Variants in GREB1L observed in about 807,000 individuals in gnomAD.
GREB1L encodes GREB1-like protein.
A neutral mutation model predicts 200.8 loss-of-function variants in GREB1L; 17 were observed. The observed-to-expected ratio is 0.08, with a 90% CI of 0.06 to 0.13. The LOEUF is 0.13. Among genes scored for constraint, GREB1L ranks in the 10% least tolerant of loss-of-function variants. GREB1L has a pLI of 1.00. For missense variants in GREB1L, 1,657 were observed against 2,367.7 expected (o/e 0.70, Z 6.23); for synonymous variants, 789 against 893.0 (o/e 0.88, Z 2.08).
At chr18:21,297,456 G>A (rs1436839664) in intron 1 of GREB1L, among the ~76,000 whole-genome samples, 2 of 152,188 alleles carry the variant, frequency 1.3e-5, no homozygotes, top group Non-Finnish European at 2.9e-5. Context: ...CAGCCACAGA[G>A]CACCTGTCAG....
intron 7 of GREB1L, among the ~76,000 whole-genome samples, chr18:21,419,998 C>G (rs1216389071): frequency 1.3e-5 from 2 of 152,072 alleles, no homozygotes; most frequent in African/African-American, 4.8e-5. Flanking sequence ...GGATATAACA[C>G]CAAAAGTTTA....
At chr18:21,424,724 T>G (rs1418343712) in intron 7 of GREB1L, among the ~76,000 whole-genome samples, 1 of 152,232 alleles carries the variant, frequency 6.6e-6, no homozygotes, top group East Asian at 1.9e-4. Context: ...AAGTATTATA[T>G]TCACAGAATT....
chr18:21,516,582 G>C (rs374477655), intron 29 of GREB1L, 31 bp from the exon 30 acceptor site: 1 of 1,546,396 alleles, frequency 6.5e-7, no homozygotes, highest in Admixed American at 2.0e-5. Flanking sequence ...TATGCCAGCG[G>C]AAGAAAACTA....
chr18:21,453,492 G>T (rs1270520118), intron 14 of GREB1L, among the ~76,000 whole-genome samples: 1 of 152,210 alleles, frequency 6.6e-6, no homozygotes, highest in Non-Finnish European at 1.5e-5. Flanking sequence ...CTTTAAAGAA[G>T]CATTGGATGT....
rs1480724011 is a variant in GREB1L, at chr18:21,454,556, A to G, written c.2175A>G (p.Arg725=). Residue 725 remains arginine (R), a synonymous_variant, in exon 15 of 33, where the codon CGA becomes CGG. Coordinates refer to ENST00000424526, the MANE Select transcript of GREB1L (RefSeq NM_001142966.3). ...VLVQQTLQRI[R]QSGVLVDLGL... is the part of the protein sequence containing the mutation. ...TTCAGCAAACTCTTCAGCGGATTCG[A>G]CAATCAGGTAAGAGTGAACTTTCAA... 1 of 1,550,984 alleles carries G rather than the reference A, an allele frequency of 6.4e-7. No homozygotes were observed. The highest frequency in any genetic ancestry group is 8.7e-7 in the Non-Finnish European group (1 of 1,146,336).
At chr18:21,397,067 T>TC (rs1491286028) in intron 5 of GREB1L, among the ~76,000 whole-genome samples, 1 of 151,922 alleles carries the variant, frequency 6.6e-6, no homozygotes, top group African/African-American at 2.4e-5. Context: ...CATCAGAAAG[T>TC]CTAGCAATAC....
intron 1 of GREB1L, among the ~76,000 whole-genome samples, chr18:21,295,009 A>G (rs2038504994): frequency 6.6e-6 from 1 of 152,158 alleles, no homozygotes; most frequent in Admixed American, 6.5e-5. Context: ...TTTTGTCTCT[A>G]ATTTCATATT....
chr18:21,471,329 A>G (rs1409027912), intron 15 of GREB1L, among the ~76,000 whole-genome samples: 1 of 152,232 alleles, frequency 6.6e-6, no homozygotes, highest in African/African-American at 2.4e-5. Context: ...CTAATTTGCA[A>G]CTGGTACTAC....
chr18:21,505,259 A>G (rs1179973348), intron 23 of GREB1L, among the ~76,000 whole-genome samples, 153 bp from the exon 24 acceptor site: 1 of 152,130 alleles, frequency 6.6e-6, no homozygotes, highest in Non-Finnish European at 1.5e-5. Context: ...GGTGTGAACA[A>G]TTCTGCCTCC....
At chr18:21,331,248 A>G (rs1229322571) in intron 1 of GREB1L, among the ~76,000 whole-genome samples, 3 of 152,200 alleles carry the variant, frequency 2.0e-5, no homozygotes, top group African/African-American at 4.8e-5. Context: ...TCAATCATGC[A>G]GAGATTTCCC....
intron 1 of GREB1L, among the ~76,000 whole-genome samples, chr18:21,289,336 G>A (rs1185700228): frequency 6.6e-6 from 1 of 152,076 alleles, no homozygotes; most frequent in Non-Finnish European, 1.5e-5. Flanking sequence ...GATTACTTGA[G>A]CCCGGGAGTT....
chr18:21,275,563 G>A (rs2038149666), intron 1 of GREB1L, among the ~76,000 whole-genome samples: 1 of 151,876 alleles, frequency 6.6e-6, no homozygotes, highest in African/African-American at 2.4e-5. Flanking sequence ...TGAGGCAGGG[G>A]AATCACTTGA....
intron 7 of GREB1L, among the ~76,000 whole-genome samples, chr18:21,416,962 G>A (rs1006558065): frequency 1.3e-5 from 2 of 152,104 alleles, no homozygotes; most frequent in African/African-American, 4.8e-5. Flanking sequence ...AGAAGTTGCA[G>A]TGAGCTGAGA....
intron 1 of GREB1L, among the ~76,000 whole-genome samples, chr18:21,252,797 G>A (rs1219498708): frequency 6.6e-6 from 1 of 152,020 alleles, no homozygotes; most frequent in Non-Finnish European, 1.5e-5. Context: ...GAACCCGGGA[G>A]GCGGAGGTTG....
intron 7 of GREB1L, among the ~76,000 whole-genome samples, chr18:21,419,145 C>T (rs544428589): frequency 1.6e-4 from 24 of 152,228 alleles, no homozygotes; most frequent in African/African-American, 5.5e-4. Flanking sequence ...TACCATATAG[C>T]CTATGTGTAT....
chr18:21,346,839 C>T (rs1291213317), intron 1 of GREB1L, among the ~76,000 whole-genome samples: 1 of 152,184 alleles, frequency 6.6e-6, no homozygotes, highest in African/African-American at 2.4e-5. Flanking sequence ...TCTCTGCCCC[C>T]TCTAGAACCT....
rs75237090 is a variant in GREB1L at position 21,301,001 on chromosome 18, T to G, written c.-120+58608T>G. 4.1e-3 allele frequency among the ~76,000 whole-genome samples: 619 copies of G among 152,316 alleles called. 3 individuals carry two copies. Among genetic ancestry groups the G allele is most frequent in the African/African-American group, 0.014 (597 of 41,576 alleles). ...CTTTCCTGTGTTTTCTTGATGTCTG[T>G]GATGTTTATCTCTGAGGTAGAGCCT... On this transcript the variant is annotated intron_variant, in intron 1 of 32. Transcript: ENST00000424526.
chr18:21,291,902 G>A (rs1271421523), intron 1 of GREB1L, among the ~76,000 whole-genome samples: 1 of 152,152 alleles, frequency 6.6e-6, no homozygotes. Flanking sequence ...AGAATTACTG[G>A]TCTACATAGT....
At chr18:21,244,477 C>CT (rs926873670) in intron 1 of GREB1L, among the ~76,000 whole-genome samples, 3 of 151,962 alleles carry the variant, frequency 2.0e-5, no homozygotes, top group African/African-American at 4.8e-5. Flanking sequence ...CACGACGTAA[C>CT]TTTTTTTTGG....
Sources: allele counts gnomAD v4.1 joint callset (sites outside exome capture counted in the v4.1 genomes callset), GRCh38; gene constraint gnomAD v4.1.1; transcripts MANE v1.5; gene names NCBI Gene and HGNC (gene_info 2026-07-23, HGNC 2026-07-21).